SEMA3A: variants seen among roughly 807,000 people sequenced by gnomAD.
SEMA3A encodes semaphorin 3A.
SEMA3A carries 29 observed loss-of-function variants against 97.9 expected under a neutral mutation model. The observed-to-expected ratio is 0.30, with a 90% CI of 0.22 to 0.40. SEMA3A has a LOEUF of 0.40. Among genes scored for constraint, SEMA3A ranks in the 10% least tolerant of loss-of-function variants. The pLI, the probability that SEMA3A is intolerant of heterozygous loss-of-function variation, is 1.00. For synonymous variants in SEMA3A, 321 were observed against 323.7 expected (o/e 0.99, Z 0.09); for missense variants, 763 against 951.3 (o/e 0.80, Z 2.60).
rs190758205 is a variant in SEMA3A at position 84,299,981 on chromosome 7, G to A, written c.-83+7226C>T. 1.4e-4 allele frequency among the ~76,000 whole-genome samples: 20 copies of A among 141,834 alleles called. 1 individual carries two copies. The highest frequency in any genetic ancestry group is 1.4e-3 in the South Asian group (6 of 4,408). The allele number at this position is 141,834 out of a possible 152,430, so 93.0% of individuals were successfully genotyped here. A position where few individuals can be genotyped will look rare whatever the true frequency, so the allele number is the denominator to read the frequency against. ...AGGGAGGCGGAGGTTGTGGTGAGCC[G>A]AGATCATGACATTGCACTCCAGCCT... On this transcript the variant is annotated intron_variant, in intron 3 of 3. Transcript: ENST00000424555.
At chr7:84,175,092 G>A (rs532025527) in intron 1 of SEMA3A, among the ~76,000 whole-genome samples, 2 of 152,122 alleles carry the variant, frequency 1.3e-5, no homozygotes, top group Non-Finnish European at 2.9e-5. Flanking sequence ...AGCCAGACCA[G>A]TGATTAAAAG....
chr7:83,995,040 C>G (rs1299944353), intron 12 of SEMA3A, among the ~76,000 whole-genome samples: 1 of 152,122 alleles, frequency 6.6e-6, no homozygotes, highest in African/African-American at 2.4e-5. Flanking sequence ...TTAAGCCCGT[C>G]GGAAAAGTGC....
At chr7:84,266,139 C>T (rs1185007016) in intron 3 of SEMA3A, among the ~76,000 whole-genome samples, 3 of 151,440 alleles carry the variant, frequency 2.0e-5, no homozygotes, top group African/African-American at 7.3e-5. Flanking sequence ...GCCAACATGG[C>T]AAAACCCTGT....
intron 4 of SEMA3A, among the ~76,000 whole-genome samples, chr7:84,071,422 G>A (rs918955977): frequency 1.1e-4 from 17 of 152,076 alleles, no homozygotes; most frequent in African/African-American, 4.1e-4. Context: ...GAAAACATTA[G>A]TTTAGTTTTT....
chr7:84,060,059 A>C (rs1288682089), intron 5 of SEMA3A, among the ~76,000 whole-genome samples: 1 of 152,192 alleles, frequency 6.6e-6, no homozygotes, highest in African/African-American at 2.4e-5. Context: ...CGTCACATCA[A>C]ATATTTTGTT....
At chr7:84,363,344 A>C (rs925025716) in intron 2 of SEMA3A, among the ~76,000 whole-genome samples, 5 of 151,940 alleles carry the variant, frequency 3.3e-5, no homozygotes, top group Non-Finnish European at 7.4e-5. Context: ...GATAGAGACT[A>C]GATTGTCACT....
intron 1 of SEMA3A, among the ~76,000 whole-genome samples, chr7:84,380,317 C>A (rs1342644342): frequency 6.6e-6 from 1 of 152,128 alleles, no homozygotes; most frequent in Non-Finnish European, 1.5e-5. Context: ...GAAGGATAAA[C>A]ATGAATAATT....
At chr7:84,424,599 AATATTAATATATAATATAATATATAATAT>A (rs1175410319) in intron 1 of SEMA3A, among the ~76,000 whole-genome samples, 24,808 of 89,810 alleles carry the variant, frequency 0.28, 4,374 homozygotes, top group African/African-American at 0.46. Flanking sequence ...ATAATATATA[AATATTAATATATAATATAATATATAATAT>A]ATATACAATA....
At chr7:84,186,495 G>A (rs1299338999) in intron 1 of SEMA3A, among the ~76,000 whole-genome samples, 1 of 152,068 alleles carries the variant, frequency 6.6e-6, no homozygotes, top group African/African-American at 2.4e-5. Context: ...AAAGTTGAAG[G>A]TTAAAAGAAA....
At chr7:84,435,311 A>G (rs1805096724) in intron 1 of SEMA3A, among the ~76,000 whole-genome samples, 2 of 152,076 alleles carry the variant, frequency 1.3e-5, no homozygotes. Flanking sequence ...CAAAGAGGTG[A>G]AAGATCTCTA....
intron 5 of SEMA3A, among the ~76,000 whole-genome samples, chr7:84,055,078 C>T (rs547564848): frequency 2.8e-4 from 42 of 152,028 alleles, no homozygotes; most frequent in South Asian, 2.1e-3. Flanking sequence ...TCTCCAGCTG[C>T]GTGCTGGGAG....
At chr7:84,230,019 T>G (rs1799084332) in intron 3 of SEMA3A, among the ~76,000 whole-genome samples, 2 of 151,968 alleles carry the variant, frequency 1.3e-5, no homozygotes. Flanking sequence ...GTCAACAGAA[T>G]GCCCTAAGTA....
chr7:84,454,972 C>G (rs142501609), intron 1 of SEMA3A, among the ~76,000 whole-genome samples: 8 of 151,940 alleles, frequency 5.3e-5, no homozygotes, highest in Admixed American at 5.2e-4. Flanking sequence ...ATGACAAATA[C>G]AATAAAAATG....
chr7:84,374,378 G>C (rs940445214), intron 1 of SEMA3A, among the ~76,000 whole-genome samples: 5 of 152,164 alleles, frequency 3.3e-5, no homozygotes, highest in Non-Finnish European at 5.9e-5. Context: ...ATATATTTAA[G>C]TCAATTATTG....
intron 2 of SEMA3A, among the ~76,000 whole-genome samples, chr7:84,360,097 T>A (rs28733567): frequency 0.28 from 42,590 of 150,424 alleles, 6,460 homozygotes; most frequent in African/African-American, 0.37. Flanking sequence ...CAGCTCCTGG[T>A]TTCATTGATT....
At chr7:84,190,648 C>G (rs916064946) in intron 1 of SEMA3A, among the ~76,000 whole-genome samples, 14 of 149,606 alleles carry the variant, frequency 9.4e-5, no homozygotes, top group Admixed American at 3.4e-4. Context: ...TGTGAATGTT[C>G]AGGACATCCA....
chr7:84,235,550 A>T (rs1799217380), intron 3 of SEMA3A, among the ~76,000 whole-genome samples: 1 of 151,980 alleles, frequency 6.6e-6, no homozygotes, highest in Non-Finnish European at 1.5e-5. Context: ...ATATTATTGG[A>T]ATAAGAAAAA....
chr7:84,324,710 G>A (rs912151672), intron 2 of SEMA3A, among the ~76,000 whole-genome samples: 1 of 151,692 alleles, frequency 6.6e-6, no homozygotes, highest in African/African-American at 2.4e-5. Context: ...TGAAGCACAT[G>A]GTCTTAAAAA....
rs1033154193 is a variant in SEMA3A at position 84,404,295 on chromosome 7, C to T, written c.-245-32395G>A. On this transcript the variant is annotated intron_variant, in intron 1 of 3. Coordinates refer to the SEMA3A transcript ENST00000424555. ...AATCAACTGGAAGAAAGGGTATCAGCGATGGAAGACAAAATGAATGAAATG... is the reference window on the plus strand; with the variant it reads ...AATCAACTGGAAGAAAGGGTATCAGTGATGGAAGACAAAATGAATGAAATG... 5.3e-5 allele frequency among the ~76,000 whole-genome samples: 8 copies of T among 151,688 alleles called. No homozygotes were observed. In the South Asian group the frequency reaches 6.3e-4, roughly 12 times the overall value.
Sources: gnomAD v4.1 joint callset for allele counts (sites outside exome capture counted in the v4.1 genomes callset) on GRCh38, gnomAD v4.1.1 for gene constraint, MANE v1.5 for transcripts, NCBI Gene and HGNC (gene_info 2026-07-23, HGNC 2026-07-21) for gene names.